Variants in GALNT14 observed in about 807,000 individuals in gnomAD.
GALNT14 encodes the protein polypeptide N-acetylgalactosaminyltransferase 14, also known as UDP-GalNAc:polypeptide N-acetylgalactosaminyltransferase 14.
A neutral mutation model predicts 77.5 loss-of-function variants in GALNT14; 60 were observed. The observed-to-expected ratio is 0.77, with a 90% CI of 0.63 to 0.96. The LOEUF (loss-of-function observed/expected upper bound fraction) is 0.96, where lower values mean the gene tolerates loss of function less well. Among genes scored for constraint, GALNT14 ranks in the 40% least tolerant of loss-of-function variants. The pLI is 0.00. For missense variants in GALNT14, 710 were observed against 731.0 expected (o/e 0.97, Z 0.33); for synonymous variants, 280 against 281.7 (o/e 0.99, Z 0.06).
chr2:31,128,320 T>C lies in GALNT14; in HGVS notation c.129+9638A>G, dbSNP rs543394218. 2.4e-3 allele frequency among the ~76,000 whole-genome samples: 368 copies of C among 152,108 alleles called. 2 individuals are homozygous for C. Among genetic ancestry groups the C allele is most frequent in the African/African-American group, 8.2e-3 (340 of 41,506 alleles). On this transcript the variant is annotated intron_variant, in intron 1 of 14. Transcript: ENST00000349752. ...GCAGGGTGCCCCCACATTAGAGGCA[T>C]GGCCAGGACACCCCGGCATTAGAGA...
At chr2:30,904,810 T>C in the GALNT14 span, among the ~76,000 whole-genome samples, 2 of 152,198 alleles carry the variant, frequency 1.3e-5, no homozygotes, top group African/African-American at 4.8e-5. Context: ...TAAATGTCCC[T>C]GTCTGACAGC....
At chr2:30,975,339 C>A (rs904957730) in intron 2 of GALNT14, among the ~76,000 whole-genome samples, 5 of 152,214 alleles carry the variant, frequency 3.3e-5, no homozygotes, top group African/African-American at 1.2e-4. Context: ...CCCAGACACC[C>A]TCTTCTCCTA....
intron 1 of GALNT14, among the ~76,000 whole-genome samples, chr2:31,035,600 TACACACACACACACACCTACAC>T (rs201936944): frequency 3.8e-4 from 19 of 49,602 alleles, no homozygotes; most frequent in African/African-American, 1.3e-3. Flanking sequence ...CATATACATA[TACACACACACACACACCTACAC>T]ACACACACAC....
chr2:31,093,939 G>C (rs1465794448), intron 1 of GALNT14, among the ~76,000 whole-genome samples: 2 of 152,188 alleles, frequency 1.3e-5, no homozygotes, highest in Non-Finnish European at 2.9e-5. Flanking sequence ...TTAAATCCAA[G>C]TGATTCACAT....
chr2:30,996,292 A>C (rs1670025726), intron 1 of GALNT14, among the ~76,000 whole-genome samples: 1 of 152,236 alleles, frequency 6.6e-6, no homozygotes, highest in African/African-American at 2.4e-5. Flanking sequence ...TGTGGATTGC[A>C]AAGAGGACAT....
chr2:30,958,253 C>T, intron 4 of GALNT14, 144 bp downstream of exon 4: 1 of 601,804 alleles, frequency 1.7e-6, no homozygotes, highest in Non-Finnish European at 2.9e-6. Flanking sequence ...TGAGCCTAGC[C>T]ACGGACGCTC....
the GALNT14 span, among the ~76,000 whole-genome samples, chr2:30,902,309 T>A: frequency 1.3e-5 from 2 of 152,180 alleles, no homozygotes; most frequent in Admixed American, 6.5e-5. Flanking sequence ...AGCATTTGGA[T>A]AACTCTGCAC....
intron 1 of GALNT14, chr2:31,125,292 T>A (rs556362273): frequency 7.1e-7 from 1 of 1,408,724 alleles, no homozygotes; most frequent in East Asian, 2.5e-5. Context: ...CATGGTCATT[T>A]CTTTGGCAAT....
intron 1 of GALNT14, 68 bp from the exon 2 acceptor site, chr2:30,993,075 C>A: frequency 6.5e-7 from 1 of 1,531,868 alleles, no homozygotes; most frequent in Non-Finnish European, 8.9e-7. Flanking sequence ...GTCTGCCTAT[C>A]AGTACCCAAC....
At chr2:30,960,219 C>A (rs1388991145) in intron 3 of GALNT14, among the ~76,000 whole-genome samples, 2 of 152,078 alleles carry the variant, frequency 1.3e-5, no homozygotes, top group Admixed American at 1.3e-4. Flanking sequence ...TCACCATGAT[C>A]GTCCCAAAGA....
At chr2:31,111,104 G>A (rs1184250518) in intron 1 of GALNT14, among the ~76,000 whole-genome samples, 1 of 152,206 alleles carries the variant, frequency 6.6e-6, no homozygotes, top group Non-Finnish European at 1.5e-5. Context: ...CAGCTGGAAT[G>A]AGGCAGAGAA....
chr2:30,898,508 G>A, the GALNT14 span, among the ~76,000 whole-genome samples: 1 of 152,216 alleles, frequency 6.6e-6, no homozygotes, highest in Non-Finnish European at 1.5e-5. Flanking sequence ...TGAGACAGGT[G>A]TGATTATTAG....
intron 6 of GALNT14, among the ~76,000 whole-genome samples, chr2:30,954,464 G>A (rs757882184): frequency 1.2e-4 from 18 of 152,166 alleles, no homozygotes; most frequent in Non-Finnish European, 2.4e-4. Context: ...GGGTTCAAGC[G>A]ATTCTAGAGA....
At chr2:31,022,494 T>G (rs1196595791) in intron 1 of GALNT14, among the ~76,000 whole-genome samples, 1 of 152,082 alleles carries the variant, frequency 6.6e-6, no homozygotes, top group Non-Finnish European at 1.5e-5. Context: ...ACTCTACCTT[T>G]CCCCAAGTCA....
intron 11 of GALNT14, among the ~76,000 whole-genome samples, chr2:30,928,592 TTTTA>T (rs1027747594): frequency 2.0e-5 from 3 of 152,146 alleles, no homozygotes; most frequent in Non-Finnish European, 2.9e-5. Context: ...GGTATCTAGC[TTTTA>T]TTTATTTATT....
intron 1 of GALNT14, among the ~76,000 whole-genome samples, chr2:31,028,396 G>A (rs188721734): frequency 6.6e-6 from 1 of 152,304 alleles, no homozygotes; most frequent in Admixed American, 6.5e-5. Context: ...TCCATCCAGG[G>A]CCAGCTCTGT....
chr2:31,006,357 T>C (rs542773534), intron 1 of GALNT14, among the ~76,000 whole-genome samples: 1 of 152,074 alleles, frequency 6.6e-6, no homozygotes. Flanking sequence ...CTGCAACTAA[T>C]AGTGGTGTAG....
chr2:30,915,590 G>A (rs959397487), intron 13 of GALNT14, among the ~76,000 whole-genome samples: 2 of 152,184 alleles, frequency 1.3e-5, no homozygotes, highest in Non-Finnish European at 2.9e-5. Context: ...GGGCCATGAT[G>A]AATGAGTTTA....
At chr2:31,030,938 T>C (rs970545350) in intron 1 of GALNT14, among the ~76,000 whole-genome samples, 2 of 152,164 alleles carry the variant, frequency 1.3e-5, no homozygotes, top group African/African-American at 4.8e-5. Context: ...ACTGGGGGGC[T>C]GAAGGATTTT....
Sources: allele counts gnomAD v4.1 joint callset (sites outside exome capture counted in the v4.1 genomes callset), GRCh38; gene constraint gnomAD v4.1.1; transcripts MANE v1.5; gene names NCBI Gene and HGNC (gene_info 2026-07-23, HGNC 2026-07-21).